ZNF92: variants seen among roughly 807,000 people sequenced by gnomAD.
ZNF92 encodes the protein zinc finger protein 92, also known as epididymis luminal protein 203.
A neutral mutation model predicts 12.4 loss-of-function variants in ZNF92; 11 were observed. The ratio of observed to expected loss-of-function variants is 0.89; its 90% confidence interval spans 0.56 to 1.47. The LOEUF (loss-of-function observed/expected upper bound fraction) is 1.47, where lower values mean the gene tolerates loss of function less well. Among genes scored for constraint, ZNF92 ranks in the 40% most tolerant of loss-of-function variants. The pLI is 0.00. For missense variants in ZNF92, 622 were observed against 681.0 expected, an observed-to-expected ratio of 0.91 and a Z score of 0.96; for synonymous variants, 206 against 228.6, an observed-to-expected ratio of 0.90 and a Z score of 0.89.
Position 65,399,751 on chromosome 7 carries a change from T to TTAAC in ZNF92, c.1638_1641dup (p.Lys548Ter). On this transcript the variant is annotated frameshift_variant, in exon 4 of 4. Transcript: ENST00000328747. LOFTEE classifies it low-confidence loss of function (END_TRUNC). Reference sequence around the variant, plus strand: ...AAATATGAAGAATGTGACAAAGCCTTTAACAAGTTCTCAACCCTTATTACA... The same window carrying TTAAC: ...AAATATGAAGAATGTGACAAAGCCTTTAACTAACAAGTTCTCAACCCTTATTACA... 1.2e-6 allele frequency: 2 copies of TTAAC among 1,613,640 alleles called. No individual in the cohort carries two copies. Among genetic ancestry groups the TTAAC allele is most frequent in the Non-Finnish European group, 1.7e-6 (2 of 1,179,716 alleles).
chr7:65,383,975 T>C (rs1793495656), intron 1 of ZNF92, among the ~76,000 whole-genome samples: 1 of 152,104 alleles, frequency 6.6e-6, no homozygotes, highest in Non-Finnish European at 1.5e-5. Flanking sequence ...GTAAGAGAAA[T>C]GAGTCACGCC....
In ZNF92 at chr7:65,399,597, A is replaced by G. The variant is rs556639645; in HGVS notation, c.1483A>G (p.Ile495Val). 64 of 1,613,810 alleles carry G rather than the reference A, an allele frequency of 4.0e-5. No homozygotes were observed. The South Asian group carries it at 5.4e-4, about 14-fold the overall frequency. ...TGGCAAAGCCTTTAACCAGTCCTCAATTTTTACTAAACATAAGATAATTCA... is the reference window on the plus strand; with the variant it reads ...TGGCAAAGCCTTTAACCAGTCCTCAGTTTTTACTAAACATAAGATAATTCA... ...ECGKAFNQSSIFTKHKIIHTE... is the reference protein window; with the variant it reads ...ECGKAFNQSSVFTKHKIIHTE... The change falls in exon 4 of 4, where the codon ATT (isoleucine) becomes GTT (valine). Residue 495 changes from isoleucine (I) to valine (V), a missense_variant. Ile to Val is a conservative substitution (Grantham distance 29). Transcript: ENST00000328747.
intron 1 of ZNF92, among the ~76,000 whole-genome samples, chr7:65,377,230 A>G (rs1793267738): frequency 6.6e-6 from 1 of 152,174 alleles, no homozygotes; most frequent in Admixed American, 6.5e-5. Context: ...TGACTCTAAC[A>G]TGGAAATTAA....
intron 1 of ZNF92, among the ~76,000 whole-genome samples, chr7:65,387,683 G>T (rs1218575055): frequency 6.6e-6 from 1 of 151,800 alleles, no homozygotes; most frequent in African/African-American, 2.4e-5. Context: ...GTATACACTG[G>T]TGTTATGGAT....
Position 65,388,207 on chromosome 7 carries a change from A to C in ZNF92, c.130+179A>C, listed in dbSNP as rs577621840. ...TTCAAGATGTTTCATTTTGACCTGA[A>C]CTCTCCACATTCCTGAGCTGATCTA... On this transcript the variant is annotated intron_variant, in intron 2 of 3. Transcript: ENST00000328747. 179 of 514,558 alleles carry C rather than the reference A, an allele frequency of 3.5e-4. 3 individuals are homozygous for C. In the South Asian group the frequency reaches 3.8e-3, roughly 11 times the overall value. 31.9% of individuals were successfully genotyped at this position (514,558 alleles called of 1,614,324 possible).
At chr7:65,374,037 A>C in intron 1 of ZNF92, 37 bp downstream of exon 1, 1 of 1,613,476 alleles carries the variant, frequency 6.2e-7, no homozygotes. Context: ...AGAGAGGGGG[A>C]GGGTCTGGCT....
intron 1 of ZNF92, among the ~76,000 whole-genome samples, chr7:65,383,807 A>G (rs1793489658): frequency 6.6e-6 from 1 of 152,154 alleles, no homozygotes; most frequent in African/African-American, 2.4e-5. Context: ...ATTTAGAATC[A>G]GCCTAAGTCT....
At position 65,382,064 on chromosome 7, in the gene ZNF92, C is replaced by T. The variant is rs144503814; in HGVS notation, c.4-5838C>T. ...CAAATTGCAAAACTACCTCCTGTCA[C>T]GAAGATGTGAAAAGTTTATTTTGTC... On this transcript the variant is annotated intron_variant, in intron 1 of 3. Transcript: ENST00000328747. Among the ~76,000 whole-genome samples the T allele has an allele frequency of 8.5e-3, 1,294 of 152,148 alleles. 16 individuals carry two copies. Among genetic ancestry groups the T allele is most frequent in the African/African-American group, 0.029 (1,216 of 41,484 alleles).
chr7:65,391,971 A>G (rs1369818469), intron 3 of ZNF92, among the ~76,000 whole-genome samples: 2 of 152,040 alleles, frequency 1.3e-5, no homozygotes, highest in Non-Finnish European at 2.9e-5. Flanking sequence ...ATTTCTTTTA[A>G]TGTTTTACAG....
At chr7:65,379,585 A>C (rs974280641) in intron 1 of ZNF92, among the ~76,000 whole-genome samples, 1 of 151,688 alleles carries the variant, frequency 6.6e-6, no homozygotes, top group African/African-American at 2.4e-5. Context: ...ATGTGCACAC[A>C]CTCCTCCCAG....
chr7:65,378,835 CTA>C (rs1793326647), intron 1 of ZNF92, among the ~76,000 whole-genome samples: 1 of 152,038 alleles, frequency 6.6e-6, no homozygotes, highest in Non-Finnish European at 1.5e-5. Flanking sequence ...CTTTATCTGA[CTA>C]TGTGATAGGT....
Position 65,400,681 on chromosome 7 carries a change from A to G in ZNF92, c.*806A>G, listed in dbSNP as rs1251914776. On this transcript the variant is annotated 3_prime_UTR_variant, in exon 4 of 4. Transcript: ENST00000328747. Reference sequence around the variant, plus strand: ...GTAGAAGATTTTTTGGAGATTTATAATTACATTCAAAGTATACTTTTTTCT... The same window carrying G: ...GTAGAAGATTTTTTGGAGATTTATAGTTACATTCAAAGTATACTTTTTTCT... 1 of 151,978 alleles carries G rather than the reference A, an allele frequency of 6.6e-6. No homozygotes were observed. Among genetic ancestry groups the G allele is most frequent in the Non-Finnish European group, 1.5e-5 (1 of 67,900 alleles). 9.4% of individuals were successfully genotyped at this position (151,978 alleles called of 1,614,324 possible). A position where few individuals can be genotyped will look rare whatever the true frequency, so the allele number is the denominator to read the frequency against.
In ZNF92 at chr7:65,399,694, G is replaced by A. The variant is rs10239197; in HGVS notation, c.1580G>A (p.Arg527His). The change falls in exon 4 of 4, where the codon CGT becomes CAT. Residue 527 changes from arginine to histidine, a missense_variant. By Grantham distance (29) the Arg-to-His change is conservative. Transcript: ENST00000328747. ...AACCAGTCCTCAAACCTTACTGCAC[G>A]TAAGATAATTTATACTGGAGAGAAA... ...AFNQSSNLTA[R>H]KIIYTGEKPY... 314,630 of 1,612,260 alleles carry A rather than the reference G, an allele frequency of 0.2. 38,165 individuals are homozygous for A. The highest frequency in any genetic ancestry group is 0.51 in the African/African-American group (38,033 of 74,752).
In ZNF92 at chr7:65,382,188, T is replaced by G. The variant is rs59458958; in HGVS notation, c.4-5714T>G. 5.6e-3 allele frequency among the ~76,000 whole-genome samples: 848 copies of G among 152,136 alleles called. 12 individuals are homozygous for G. The highest frequency in any genetic ancestry group is 0.019 in the African/African-American group (796 of 41,522). Reference sequence around the variant, plus strand: ...ACATGGTACTGTAAATTCTTCTACTTATGGACTAATTATTGTGACCGTCTT... The same window carrying G: ...ACATGGTACTGTAAATTCTTCTACTGATGGACTAATTATTGTGACCGTCTT... On this transcript the variant is annotated intron_variant, in intron 1 of 3. Coordinates refer to ENST00000328747, the MANE Select transcript of ZNF92 (RefSeq NM_152626.4).
In ZNF92 at chr7:65,387,893, G is replaced by A. The variant is rs758802473; in HGVS notation, c.4-9G>A. 1.0e-5 allele frequency: 16 copies of A among 1,584,088 alleles called. No individual in the cohort carries two copies. The African/African-American group carries it at 1.8e-4, about 17-fold the overall frequency. ...TATGTGTGTTTGTGTGTGTGTGTGTGTTTTTCAGGGACCACTGACATTTAG... is the reference window on the plus strand; with the variant it reads ...TATGTGTGTTTGTGTGTGTGTGTGTATTTTTCAGGGACCACTGACATTTAG... On this transcript the variant is annotated splice_polypyrimidine_tract_variant and intron_variant, in intron 1 of 3. Coordinates refer to ENST00000328747, the MANE Select transcript of ZNF92 (RefSeq NM_152626.4).
At chr7:65,391,893 T>C (rs557194662) in intron 3 of ZNF92, among the ~76,000 whole-genome samples, 1 of 152,266 alleles carries the variant, frequency 6.6e-6, no homozygotes, top group Non-Finnish European at 1.5e-5. Context: ...CACTCAAATA[T>C]TGCAGTTATC....
Position 65,398,489 on chromosome 7 carries a change from G to A in ZNF92, c.375G>A (p.Val125=), listed in dbSNP as rs377703948. The change falls in exon 4 of 4, where the codon GTG becomes GTA. Residue 125 remains valine, a synonymous_variant. Coordinates refer to ENST00000328747, the MANE Select transcript of ZNF92 (RefSeq NM_152626.4). ...KDHKSVDACK[V]YKGGYNGLNQ... ...ATAAAAGTGTGGATGCATGTAAGGT[G>A]TACAAAGGAGGTTATAATGGACTTA... is the stretch of plus-strand genomic sequence containing the variant. 10 of 1,613,076 alleles carry A rather than the reference G, an allele frequency of 6.2e-6. No homozygotes were observed. Among genetic ancestry groups the A allele is most frequent in the Non-Finnish European group, 7.6e-6 (9 of 1,179,678 alleles).
intron 2 of ZNF92, chr7:65,388,315 G>GT: frequency 5.0e-6 from 1 of 199,206 alleles, no homozygotes; most frequent in Non-Finnish European, 9.0e-6. Context: ...TCATTTAGTA[G>GT]TACTGGGCAG....
intron 1 of ZNF92, among the ~76,000 whole-genome samples, chr7:65,385,465 G>C (rs1793537309): frequency 6.6e-6 from 1 of 152,144 alleles, no homozygotes; most frequent in African/African-American, 2.4e-5. Context: ...ACATTCGTGA[G>C]TGTTAAGTTC....
Sources: gnomAD v4.1 joint callset for allele counts (sites outside exome capture counted in the v4.1 genomes callset) on GRCh38, gnomAD v4.1.1 for gene constraint, MANE v1.5 for transcripts, NCBI Gene and HGNC (gene_info 2026-07-23, HGNC 2026-07-21) for gene names.